Variants in FNBP4 observed in about 807,000 individuals in gnomAD.
The protein encoded by FNBP4 is formin binding protein 4.
FNBP4 carries 34 observed loss-of-function variants against 119.3 expected under a neutral mutation model. That is an observed-to-expected ratio of 0.28 (90% confidence interval 0.22 to 0.38). The LOEUF (loss-of-function observed/expected upper bound fraction) is 0.38, where lower values mean the gene tolerates loss of function less well. Among genes scored for constraint, FNBP4 ranks in the 10% least tolerant of loss-of-function variants. FNBP4 has a pLI of 1.00. For synonymous variants in FNBP4, 462 were observed against 430.6 expected (o/e 1.07, Z -0.90); for missense variants, 1,112 against 1,228.9 (o/e 0.90, Z 1.42).
In FNBP4 at chr11:47,754,653, A is replaced by G; in HGVS notation, c.325T>C (p.Leu109=). 1 of 1,613,792 alleles carries G rather than the reference A, an allele frequency of 6.2e-7. No homozygotes were observed. The highest frequency in any genetic ancestry group is 1.1e-5 in the South Asian group (1 of 90,984). ...TAVKATGGLC[L]LGAYADSDDD... Reference sequence around the variant, plus strand: ...TCACTGTCAGCATAAGCACCAAGCAAGCATAGACCGCCTAGAAACAAAAAG... The same window carrying G: ...TCACTGTCAGCATAAGCACCAAGCAGGCATAGACCGCCTAGAAACAAAAAG... The change falls in exon 3 of 17, where the codon TTG becomes CTG. Residue 109 remains leucine (L), a synonymous_variant. Coordinates refer to ENST00000263773, the MANE Select transcript of FNBP4 (RefSeq NM_015308.5).
intron 2 of FNBP4, among the ~76,000 whole-genome samples, chr11:47,757,505 C>T (rs894700377): frequency 2.0e-5 from 3 of 151,422 alleles, no homozygotes; most frequent in African/African-American, 7.3e-5. Context: ...AGCCACCGCA[C>T]CCGGCTGAGA....
chr11:47,751,628 T>C (rs2097604276), intron 4 of FNBP4, among the ~76,000 whole-genome samples: 3 of 152,142 alleles, frequency 2.0e-5, no homozygotes. Context: ...ATATCTAACA[T>C]TTAGAGTCAC....
chr11:47,738,996 C>T (rs935281754), intron 8 of FNBP4, among the ~76,000 whole-genome samples: 10 of 150,846 alleles, frequency 6.6e-5, no homozygotes, highest in African/African-American at 2.2e-4. Flanking sequence ...TGAGGCACGG[C>T]GCCTGGCTTT....
chr11:47,751,577 G>C (rs2097604136), intron 4 of FNBP4, among the ~76,000 whole-genome samples: 1 of 151,924 alleles, frequency 6.6e-6, no homozygotes, highest in South Asian at 2.1e-4. Context: ...CCCCAACACT[G>C]GTTGAGAACC....
intron 10 of FNBP4, 53 bp downstream of exon 10, chr11:47,733,972 T>G: frequency 1.1e-6 from 1 of 902,928 alleles, no homozygotes. Flanking sequence ...ACATACAGCA[T>G]TTCATTCAAA....
At chr11:47,763,658 G>A (rs1423170209) in intron 2 of FNBP4, among the ~76,000 whole-genome samples, 2 of 151,796 alleles carry the variant, frequency 1.3e-5, no homozygotes, top group Non-Finnish European at 2.9e-5. Flanking sequence ...CCGCCACCAC[G>A]CCCAGCTAAT....
chr11:47,719,983 C>T lies in FNBP4; in HGVS notation c.2909G>A (p.Arg970Gln), dbSNP rs769984885. The T allele has an allele frequency of 3.1e-6, 5 of 1,613,994 alleles. No individual in the cohort carries two copies. The Admixed American group carries it at 5.0e-5, about 16-fold the overall frequency. Residue 970 changes from arginine to glutamine, a missense_variant, in exon 16 of 17, where the codon CGG (arginine) becomes CAG (glutamine). Physicochemically the swap from Arg to Gln is conservative, Grantham distance 43. Transcript: ENST00000263773. ...AATTCGCTTCTGTGCAGTTGATTCC[C>T]GATCCTCTTCACTGGAACTAGAATT... ...EDNSSSSEED[R>Q]ESTAQKRIEE...
intron 6 of FNBP4, among the ~76,000 whole-genome samples, chr11:47,749,329 G>A (rs1599230193): frequency 1.3e-5 from 1 of 78,034 alleles, no homozygotes; most frequent in Non-Finnish European, 2.9e-5. Flanking sequence ...CCCAGCGTCT[G>A]AGGCAGGTGG....
At chr11:47,720,237 A>G in intron 15 of FNBP4, 151 bp from the exon 16 acceptor site, 1 of 810,386 alleles carries the variant, frequency 1.2e-6, no homozygotes. Context: ...CTTGCCATAA[A>G]TTTCTTACCA....
intron 4 of FNBP4, 139 bp downstream of exon 4, chr11:47,752,777 G>A: frequency 2.7e-6 from 2 of 749,876 alleles, no homozygotes; most frequent in Admixed American, 5.5e-5. Flanking sequence ...TCGCGCCAGT[G>A]CACTCCAGCC....
intron 6 of FNBP4, among the ~76,000 whole-genome samples, chr11:47,749,964 A>ACAT: frequency 6.6e-6 from 1 of 152,152 alleles, no homozygotes; most frequent in Non-Finnish European, 1.5e-5. Context: ...AATGTCTTAT[A>ACAT]TATGGAATCC....
intron 6 of FNBP4, among the ~76,000 whole-genome samples, chr11:47,749,399 TA>T (rs980121753): frequency 2.0e-5 from 3 of 150,378 alleles, no homozygotes; most frequent in South Asian, 2.1e-4. Flanking sequence ...TCGTCTCTAC[TA>T]AAAAAAAATA....
chr11:47,720,146 C>G, intron 15 of FNBP4, 60 bp from the exon 16 acceptor site: 1 of 1,495,982 alleles, frequency 6.7e-7, no homozygotes, highest in Non-Finnish European at 9.0e-7. Flanking sequence ...TAAGCGTCCT[C>G]TACAATGGAG....
intron 8 of FNBP4, among the ~76,000 whole-genome samples, chr11:47,741,162 C>A (rs2097581439): frequency 6.6e-6 from 1 of 151,532 alleles, no homozygotes; most frequent in African/African-American, 2.4e-5. Context: ...AGCCACCGTG[C>A]GCCAGTCTGT....
chr11:47,726,770 C>G (rs747982739), intron 12 of FNBP4: 6 of 152,190 alleles, frequency 3.9e-5, no homozygotes, highest in Non-Finnish European at 8.8e-5. Flanking sequence ...TACATCAGAA[C>G]TAAGTCAATA....
chr11:47,766,466 T>C lies in FNBP4; in HGVS notation c.220+603A>G, dbSNP rs1012696821. ...ATTTTTTCCAATTAACGAACCAGCG[T>C]GATCTCTGAACATGTGAAACGGTCG... On this transcript the variant is annotated intron_variant, in intron 1 of 16. Coordinates refer to ENST00000263773, the MANE Select transcript of FNBP4 (RefSeq NM_015308.5). Among the ~76,000 whole-genome samples the C allele has an allele frequency of 2.0e-5, 3 of 152,268 alleles. 1 individual carries two copies. In the South Asian group the frequency reaches 6.2e-4, roughly 32 times the overall value.
In FNBP4 at chr11:47,724,618, T is replaced by G. The variant is rs1458572167; in HGVS notation, c.2169A>C (p.Pro723=). The G allele has an allele frequency of 6.2e-7, 1 of 1,612,418 alleles. No homozygotes were observed. The highest frequency in any genetic ancestry group is 8.5e-7 in the Non-Finnish European group (1 of 1,179,674). ...CAGGAGGAGGTGGTGGAGGAGGGGG[T>G]GGAGGTGATTCTGGAGGTGGAGGTG... ...PPPPPPPESP[P]PPPPPPPPAE... Residue 723 remains proline (P), a synonymous_variant, in exon 13 of 17, where the codon CCA becomes CCC. Coordinates refer to ENST00000263773, the MANE Select transcript of FNBP4 (RefSeq NM_015308.5).
In FNBP4 at chr11:47,723,103, G is replaced by C; in HGVS notation, c.2678C>G (p.Ala893Gly). The C allele has an allele frequency of 6.2e-7, 1 of 1,613,928 alleles. No individual in the cohort carries two copies. Among genetic ancestry groups the C allele is most frequent in the Non-Finnish European group, 8.5e-7 (1 of 1,179,978 alleles). ...GGTAGCGGTAGGCACAGCACCTCGG[G>C]CCTGAACTGGCTGCAATGAGGGAGC... ...VTAPSLQPVQ[A>G]RGAVPTATII... The change falls in exon 15 of 17, where the codon GCC (alanine) becomes GGC (glycine). Residue 893 changes from alanine (A) to glycine (G), a missense_variant. Physicochemically the swap from Ala to Gly is moderately conservative, Grantham distance 60. Around this residue, in one of 2 missense-constraint regions of FNBP4, gnomAD observed 826 missense variants for 988.8 expected, o/e 0.84. Coordinates refer to ENST00000263773, the MANE Select transcript of FNBP4 (RefSeq NM_015308.5).
chr11:47,743,326 T>C (rs2097584921), intron 8 of FNBP4, among the ~76,000 whole-genome samples: 1 of 151,740 alleles, frequency 6.6e-6, no homozygotes, highest in Non-Finnish European at 1.5e-5. Context: ...CTACTAAAAA[T>C]ACAAAAAATA....
Sources: gnomAD v4.1 joint callset for allele counts (sites outside exome capture counted in the v4.1 genomes callset) on GRCh38, gnomAD v4.1.1 for gene constraint, gnomAD v4.1.1 regional missense constraint, MANE v1.5 for transcripts, NCBI Gene and HGNC (gene_info 2026-07-23, HGNC 2026-07-21) for gene names.